Variants in RSBN1L observed in about 807,000 individuals in gnomAD.
RSBN1L encodes the protein round spermatid basic protein 1 like.
In RSBN1L, 30 loss-of-function variants were observed where a neutral mutation model predicts 67.7. The observed-to-expected ratio is 0.44, with a 90% confidence interval of 0.33 to 0.60. The LOEUF (loss-of-function observed/expected upper bound fraction) is 0.60, where lower values mean the gene tolerates loss of function less well. RSBN1L is among the 20% of genes least tolerant of loss of function. RSBN1L has a pLI of 0.02. For synonymous variants in RSBN1L, 433 were observed against 387.0 expected, an observed-to-expected ratio of 1.12 and a Z score of -1.39; for missense variants, 992 against 1,031.7, an observed-to-expected ratio of 0.96 and a Z score of 0.53.
In RSBN1L at chr7:77,782,638, G is replaced by C. The variant is rs1366949720; in HGVS notation, c.*3470G>C. On this transcript the variant is annotated 3_prime_UTR_variant, in exon 8 of 8. Transcript: ENST00000334955. ...TGTGTGTGTGCATGTGCCTGTTTTT[G>C]TGTGTGTATGTTTGTGGGAAATAAT... is the stretch of plus-strand genomic sequence containing the variant. 2.0e-5 allele frequency: 3 copies of C among 152,038 alleles called. No individual in the cohort carries two copies. The highest frequency in any genetic ancestry group is 7.2e-5 in the African/African-American group (3 of 41,396). 9.4% of individuals were successfully genotyped at this position (152,038 alleles called of 1,614,324 possible). A position where few individuals can be genotyped will look rare whatever the true frequency, so the allele number is the denominator to read the frequency against.
intron 1 of RSBN1L, among the ~76,000 whole-genome samples, chr7:77,712,390 C>T (rs908702857): frequency 1.3e-5 from 2 of 151,592 alleles, no homozygotes; most frequent in South Asian, 4.1e-4. Context: ...AAGCCATTTT[C>T]CTGCCTCTGC....
intron 2 of RSBN1L, among the ~76,000 whole-genome samples, chr7:77,740,441 G>T (rs1584290425): frequency 6.6e-6 from 1 of 152,220 alleles, no homozygotes; most frequent in Non-Finnish European, 1.5e-5. Flanking sequence ...GTGACTGGTA[G>T]TGTACTAAAG....
rs564549036 is a variant in RSBN1L, at chr7:77,703,887, C to T, written c.586+6832C>T. Among the ~76,000 whole-genome samples the T allele has an allele frequency of 7.2e-5, 11 of 152,134 alleles. No homozygotes were observed. The East Asian group carries it at 2.1e-3, about 29-fold the overall frequency. ...TCAATGTAACCTTGAACTCCTGAGC[C>T]CAAAGGATTCTCCTGCTTCACCCTC... On this transcript the variant is annotated intron_variant, in intron 1 of 7. Transcript: ENST00000334955.
At chr7:77,728,465 T>G (rs1047976759) in intron 1 of RSBN1L, among the ~76,000 whole-genome samples, 3 of 152,204 alleles carry the variant, frequency 2.0e-5, no homozygotes, top group Admixed American at 2.0e-4. Context: ...CTAGAGGGTT[T>G]TAGTACATTT....
intron 1 of RSBN1L, among the ~76,000 whole-genome samples, chr7:77,735,458 G>A (rs757800231): frequency 2.0e-5 from 3 of 152,106 alleles, no homozygotes; most frequent in Non-Finnish European, 2.9e-5. Flanking sequence ...TTACTGTCTA[G>A]ATCTGGACAG....
At chr7:77,697,308 G>A in intron 1 of RSBN1L, 1 of 364,026 alleles carries the variant, frequency 2.7e-6, no homozygotes, top group Non-Finnish European at 4.8e-6. Context: ...CAGTTAGTGC[G>A]CTGCAGGATT....
intron 1 of RSBN1L, among the ~76,000 whole-genome samples, chr7:77,718,773 T>C (rs149050247): frequency 6.6e-6 from 1 of 152,352 alleles, no homozygotes; most frequent in East Asian, 1.9e-4. Flanking sequence ...ATAACCATTT[T>C]ATTATATCAG....
chr7:77,696,592 C>T lies in RSBN1L; in HGVS notation c.123C>T (p.Ser41=), dbSNP rs1292437104. ...CCCGGGACCCTCCGGGTTCTCTGTC[C>T]GCCAAGAAGGTCCGGACTGAGGAGA... ...LSSRDPPGSL[S]AKKVRTEEKK... Residue 41 remains serine, a synonymous_variant, in exon 1 of 8, where the codon TCC becomes TCT. Coordinates refer to ENST00000334955, the MANE Select transcript of RSBN1L (RefSeq NM_198467.3). 1.2e-6 allele frequency: 2 copies of T among 1,614,108 alleles called. No individual in the cohort carries two copies. Among genetic ancestry groups the T allele is most frequent in the African/African-American group, 1.3e-5 (1 of 75,058 alleles).
At chr7:77,772,126 C>T (rs867711459) in intron 5 of RSBN1L, among the ~76,000 whole-genome samples, 2 of 152,032 alleles carry the variant, frequency 1.3e-5, no homozygotes, top group Non-Finnish European at 2.9e-5. Flanking sequence ...GAAGCAACAC[C>T]ATCTGGCATT....
chr7:77,724,978 G>A (rs1411505660), intron 1 of RSBN1L, among the ~76,000 whole-genome samples: 2 of 150,370 alleles, frequency 1.3e-5, no homozygotes, highest in South Asian at 4.2e-4. Flanking sequence ...GAGTAGCTGG[G>A]ATTATAGGCA....
rs1562812586 is a variant in RSBN1L, at chr7:77,778,797, GACA to G, written c.2174_2176del (p.Asn725del). ...ATCATCTGTTCTTGGACCTCACACT[GACA>G]ACATGATTTGTGCTGTAAGCAAAGC... is the stretch of plus-strand genomic sequence containing the variant. On this transcript the variant is annotated inframe_deletion, in exon 8 of 8. Coordinates refer to ENST00000334955, the MANE Select transcript of RSBN1L (RefSeq NM_198467.3). 1 of 1,614,096 alleles carries G rather than the reference GACA, an allele frequency of 6.2e-7. No individual in the cohort carries two copies. The highest frequency in any genetic ancestry group is 1.1e-5 in the South Asian group (1 of 91,064).
Position 77,778,754 on chromosome 7 carries a change from C to T in RSBN1L, c.2127C>T (p.Gly709=). Reference sequence around the variant, plus strand: ...AGAATACAGCTACTCATGAAACAGGCACATCATCAGATTCCACATCATCTG... The same window carrying T: ...AGAATACAGCTACTCATGAAACAGGTACATCATCAGATTCCACATCATCTG... ...TSQNTATHET[G]TSSDSTSSVL... Residue 709 remains glycine (G), a synonymous_variant, in exon 8 of 8, where the codon GGC becomes GGT. Transcript: ENST00000334955. The T allele has an allele frequency of 5.6e-6, 9 of 1,614,096 alleles. No individual in the cohort carries two copies. The highest frequency in any genetic ancestry group is 6.8e-6 in the Non-Finnish European group (8 of 1,179,984).
intron 1 of RSBN1L, among the ~76,000 whole-genome samples, chr7:77,732,544 G>T (rs552301975): frequency 7.9e-4 from 120 of 152,246 alleles, no homozygotes; most frequent in Admixed American, 1.2e-3. Flanking sequence ...GTGTTGGCCA[G>T]GTTGGTCTCG....
chr7:77,746,754 G>A (rs1791489659), intron 2 of RSBN1L, among the ~76,000 whole-genome samples: 1 of 152,088 alleles, frequency 6.6e-6, no homozygotes, highest in South Asian at 2.1e-4. Context: ...GTGGGTATAG[G>A]CATTGAGTAA....
At chr7:77,739,670 C>T (rs1240461109) in intron 2 of RSBN1L, among the ~76,000 whole-genome samples, 32 of 124,422 alleles carry the variant, frequency 2.6e-4, no homozygotes, top group African/African-American at 9.8e-4. Context: ...GATTGTGCCA[C>T]TGCACTCCAG....
chr7:77,729,732 G>C (rs928626399), intron 1 of RSBN1L, among the ~76,000 whole-genome samples: 1 of 152,146 alleles, frequency 6.6e-6, no homozygotes, highest in African/African-American at 2.4e-5. Flanking sequence ...GGTAGGTGGA[G>C]TGTTTGAGCA....
At chr7:77,768,343 C>T in intron 4 of RSBN1L, 1 of 188,856 alleles carries the variant, frequency 5.3e-6, no homozygotes, top group Non-Finnish European at 1.1e-5. Flanking sequence ...AGAGCACTTG[C>T]TTATTTAGTC....
At chr7:77,768,146 CG>C (rs1293411487) in intron 4 of RSBN1L, among the ~76,000 whole-genome samples, 1 of 151,946 alleles carries the variant, frequency 6.6e-6, no homozygotes, top group Non-Finnish European at 1.5e-5. Flanking sequence ...TGAGCCACTG[CG>C]CGCCCAGCCT....
intron 2 of RSBN1L, among the ~76,000 whole-genome samples, chr7:77,743,614 G>A (rs538474087): frequency 2.0e-5 from 3 of 151,988 alleles, no homozygotes; most frequent in African/African-American, 7.2e-5. Context: ...GTGTTCTCCT[G>A]GTAATATTTT....
Sources: gnomAD v4.1 joint callset for allele counts (sites outside exome capture counted in the v4.1 genomes callset) on GRCh38, gnomAD v4.1.1 for gene constraint, MANE v1.5 for transcripts, NCBI Gene and HGNC (gene_info 2026-07-23, HGNC 2026-07-21) for gene names.